The following CD8B2 variants were observed in gnomAD, a reference collection of about 807,000 sequenced individuals.
CD8B2 encodes T-cell surface glycoprotein CD8 beta-2 chain.
Under a neutral mutation model 23.7 loss-of-function variants are expected in CD8B2, and 11 were observed. The observed-to-expected ratio is 0.46, with a 90% CI of 0.29 to 0.77. The LOEUF is 0.77. CD8B2 is among the 30% of genes least tolerant of loss of function. The probability of loss-of-function intolerance (pLI) is 0.09; values close to 1 mark genes in which losing one functional copy is unlikely to be tolerated. For synonymous variants in CD8B2, 90 were observed against 109.3 expected (o/e 0.82, Z 1.10); for missense variants, 197 against 270.5 (o/e 0.73, Z 1.91).
downstream of CD8B2, among the ~76,000 whole-genome samples, chr2:106,511,576 G>A (rs1203820105): frequency 3.4e-5 from 5 of 148,280 alleles, no homozygotes; most frequent in Non-Finnish European, 5.9e-5. Context: ...CCCCCGCCCC[G>A]CAGCTTGTGT....
chr2:106,511,445 TC>T (rs896738927), downstream of CD8B2, among the ~76,000 whole-genome samples: 14 of 120,048 alleles, frequency 1.2e-4, no homozygotes, highest in African/African-American at 3.1e-4. Flanking sequence ...TGTTCTCCCC[TC>T]CCCCCGCCCC....
intron 3 of CD8B2, among the ~76,000 whole-genome samples, chr2:106,501,429 C>A (rs1679401994): frequency 6.6e-6 from 1 of 152,154 alleles, no homozygotes; most frequent in Non-Finnish European, 1.5e-5. Flanking sequence ...CACCTGTAAT[C>A]CCAGCACTTT....
intron 5 of CD8B2, among the ~76,000 whole-genome samples, chr2:106,505,776 G>C (rs1231390455): frequency 1.3e-5 from 2 of 152,106 alleles, no homozygotes; most frequent in African/African-American, 2.4e-5. Context: ...GGATTTAGAA[G>C]CTGCCCCCTA....
intron 5 of CD8B2, among the ~76,000 whole-genome samples, chr2:106,525,583 G>A (rs1308198054): frequency 5.9e-5 from 9 of 152,004 alleles, no homozygotes; most frequent in Non-Finnish European, 1.2e-4. Flanking sequence ...CCACGTTTTC[G>A]TCACCCCCAA....
intron 5 of CD8B2, among the ~76,000 whole-genome samples, chr2:106,516,217 C>G (rs1016006522): frequency 1.3e-5 from 2 of 152,136 alleles, no homozygotes. Flanking sequence ...TCTGTCTGTG[C>G]ATTCCTTTCC....
At chr2:106,497,600 G>A (rs1386360662) in intron 3 of CD8B2, among the ~76,000 whole-genome samples, 1 of 152,188 alleles carries the variant, frequency 6.6e-6, no homozygotes, top group Non-Finnish European at 1.5e-5. Flanking sequence ...ACACTGCTCA[G>A]TTTGCTTTGT....
intron 1 of CD8B2, among the ~76,000 whole-genome samples, chr2:106,490,352 T>G (rs1679169323): frequency 6.6e-6 from 1 of 152,046 alleles, no homozygotes; most frequent in South Asian, 2.1e-4. Context: ...TCCTCATCTG[T>G]GTAACGAGGA....
chr2:106,517,148 A>C (rs1257483228), intron 5 of CD8B2, among the ~76,000 whole-genome samples: 1 of 151,366 alleles, frequency 6.6e-6, no homozygotes, highest in Non-Finnish European at 1.5e-5. Context: ...TTCCTTCCAT[A>C]TTTTTTGGCA....
At chr2:106,522,855 T>C (rs1480633810) in intron 5 of CD8B2, among the ~76,000 whole-genome samples, 1 of 152,160 alleles carries the variant, frequency 6.6e-6, no homozygotes, top group African/African-American at 2.4e-5. Context: ...CCTGCCCCAC[T>C]GAATCCCAGG....
At chr2:106,529,414 C>A (rs1679963078) in intron 5 of CD8B2, among the ~76,000 whole-genome samples, 1 of 152,130 alleles carries the variant, frequency 6.6e-6, no homozygotes, top group Non-Finnish European at 1.5e-5. Flanking sequence ...TAAGATAGGA[C>A]CCATTCTCAG....
rs1271500252 is a variant in CD8B2, at chr2:106,509,068, C to T, written c.*2128C>T. On this transcript the variant is annotated 3_prime_UTR_variant, in exon 6 of 6. Transcript: ENST00000643224. ...GAATTGGCCTTAGATGCCCTGCCCC[C>T]AGACCCAGGTGTTTTCCATTTGATC... The T allele has an allele frequency of 6.6e-6, 1 of 152,060 alleles. No homozygotes were observed. Among genetic ancestry groups the T allele is most frequent in the Non-Finnish European group, 1.5e-5 (1 of 68,012 alleles). The allele number at this position is 152,060 out of a possible 1,614,324, so 9.4% of individuals were successfully genotyped here. A position where few individuals can be genotyped will look rare whatever the true frequency, so the allele number is the denominator to read the frequency against.
chr2:106,527,657 G>C (rs548586284), intron 5 of CD8B2, among the ~76,000 whole-genome samples: 2 of 152,140 alleles, frequency 1.3e-5, no homozygotes, highest in Non-Finnish European at 2.9e-5. Context: ...TGGTAGCACC[G>C]CCTGTAATCT....
chr2:106,511,891 C>T (rs1679638102), downstream of CD8B2, among the ~76,000 whole-genome samples: 1 of 152,202 alleles, frequency 6.6e-6, no homozygotes, highest in African/African-American at 2.4e-5. Flanking sequence ...ATATGCACGA[C>T]ACGTGTGATT....
At chr2:106,497,547 T>C (rs1679323470) in intron 3 of CD8B2, among the ~76,000 whole-genome samples, 1 of 152,158 alleles carries the variant, frequency 6.6e-6, no homozygotes, top group Non-Finnish European at 1.5e-5. Context: ...CATCTGCTGC[T>C]ACCCAGAAAA....
intron 5 of CD8B2, among the ~76,000 whole-genome samples, chr2:106,505,047 C>T (rs989256450): frequency 6.6e-6 from 1 of 152,154 alleles, no homozygotes; most frequent in Admixed American, 6.5e-5. Flanking sequence ...TGGGCTGGGA[C>T]CTTTAGTGGT....
At chr2:106,526,582 G>A (rs4572592) in intron 5 of CD8B2, among the ~76,000 whole-genome samples, 3,083 of 152,270 alleles carry the variant, frequency 0.02, 82 homozygotes, top group African/African-American at 0.07. Flanking sequence ...ACACGTTGTA[G>A]CACCTGTCAG....
intron 5 of CD8B2, among the ~76,000 whole-genome samples, chr2:106,526,764 C>T (rs1679913203): frequency 6.6e-6 from 1 of 152,154 alleles, no homozygotes; most frequent in Admixed American, 6.5e-5. Flanking sequence ...ATTCTCCTGC[C>T]TCAGCCTCCT....
chr2:106,501,410 G>A (rs905846269), intron 3 of CD8B2, among the ~76,000 whole-genome samples: 12 of 152,076 alleles, frequency 7.9e-5, no homozygotes, highest in East Asian at 3.9e-4. Flanking sequence ...GGCCAGTTGC[G>A]GTAGCTCACA....
At chr2:106,540,351 A>G (rs948023641) in intron 5 of CD8B2, among the ~76,000 whole-genome samples, 16 of 152,192 alleles carry the variant, frequency 1.1e-4, no homozygotes, top group African/African-American at 3.9e-4. Context: ...AGAAATGACA[A>G]TTAGCCCTAG....
Sources: gnomAD v4.1 joint callset for allele counts (sites outside exome capture counted in the v4.1 genomes callset) on GRCh38, gnomAD v4.1.1 for gene constraint, MANE v1.5 for transcripts, NCBI Gene and HGNC (gene_info 2026-07-23, HGNC 2026-07-21) for gene names.